SGCZ: variants seen among roughly 807,000 people sequenced by gnomAD.
SGCZ encodes zeta-sarcoglycan.
SGCZ carries 40 observed loss-of-function variants against 41.3 expected under a neutral mutation model. That is an observed-to-expected ratio of 0.97 (90% confidence interval 0.75 to 1.26). The LOEUF (loss-of-function observed/expected upper bound fraction) is 1.26. Ranked by LOEUF, SGCZ falls within the 50% of genes most tolerant of loss-of-function variation. The pLI is 0.00. For missense variants in SGCZ, 552 were observed against 369.8 expected (o/e 1.49, Z -4.04); for synonymous variants, 206 against 137.5 (o/e 1.50, Z -3.49).
chr8:14,583,895 A>G (rs993773010), intron 1 of SGCZ, among the ~76,000 whole-genome samples: 1 of 151,938 alleles, frequency 6.6e-6, no homozygotes, highest in African/African-American at 2.4e-5. Context: ...AAATATTTCT[A>G]TTTTCCCATT....
intron 1 of SGCZ, among the ~76,000 whole-genome samples, chr8:15,035,136 A>C (rs919290764): frequency 2.0e-5 from 3 of 152,120 alleles, no homozygotes; most frequent in Admixed American, 2.0e-4. Context: ...AATGATAATA[A>C]TAGCTATAAT....
chr8:14,198,703 A>G (rs1457479706), intron 4 of SGCZ, among the ~76,000 whole-genome samples: 1 of 152,198 alleles, frequency 6.6e-6, no homozygotes, highest in Non-Finnish European at 1.5e-5. Flanking sequence ...AGGGACCACA[A>G]ACGGAGGGAC....
intron 1 of SGCZ, among the ~76,000 whole-genome samples, chr8:14,913,509 C>CTT (rs1332472271): frequency 2.6e-5 from 4 of 151,990 alleles, no homozygotes; most frequent in Non-Finnish European, 5.9e-5. Flanking sequence ...TCATAATAAA[C>CTT]TTTTATTATG....
chr8:15,127,109 T>C lies in SGCZ; in HGVS notation c.39+110476A>G, dbSNP rs548723761. Among the ~76,000 whole-genome samples the C allele has an allele frequency of 3.3e-5, 5 of 152,290 alleles. No homozygotes were observed. The East Asian group carries it at 9.7e-4, about 29-fold the overall frequency. On this transcript the variant is annotated intron_variant, in intron 1 of 7. Transcript: ENST00000382080. ...TAGGTTTTAAATTGCCAAATATATATTGAATGCTGATCATGTATGAGACAC... is the reference window on the plus strand; with the variant it reads ...TAGGTTTTAAATTGCCAAATATATACTGAATGCTGATCATGTATGAGACAC...
chr8:15,116,477 A>G (rs1380395462), intron 1 of SGCZ, among the ~76,000 whole-genome samples: 1 of 152,186 alleles, frequency 6.6e-6, no homozygotes, highest in Non-Finnish European at 1.5e-5. Context: ...ATGGGATAAA[A>G]ATGCCTTAGA....
intron 1 of SGCZ, among the ~76,000 whole-genome samples, chr8:15,110,841 A>ATG (rs1807022064): frequency 2.0e-5 from 3 of 152,020 alleles, no homozygotes; most frequent in Admixed American, 2.0e-4. Context: ...AGTGGCATGC[A>ATG]CCTGTAATCC....
chr8:14,603,615 A>G (rs1261315932), intron 1 of SGCZ, among the ~76,000 whole-genome samples: 1 of 152,220 alleles, frequency 6.6e-6, no homozygotes, highest in Non-Finnish European at 1.5e-5. Flanking sequence ...TTAAACTTTC[A>G]TATAAGTTTA....
chr8:14,343,681 G>A (rs1802791483), intron 2 of SGCZ, among the ~76,000 whole-genome samples: 2 of 152,138 alleles, frequency 1.3e-5, no homozygotes, highest in Non-Finnish European at 2.9e-5. Context: ...GTATCTTAGA[G>A]ACAGAATAAT....
intron 4 of SGCZ, among the ~76,000 whole-genome samples, chr8:14,211,193 G>A (rs1384750005): frequency 1.3e-5 from 2 of 152,186 alleles, no homozygotes; most frequent in African/African-American, 4.8e-5. Context: ...GAGGGACACT[G>A]CAGGAGTAAA....
At chr8:14,619,810 C>T (rs545661283) in intron 1 of SGCZ, among the ~76,000 whole-genome samples, 6 of 152,060 alleles carry the variant, frequency 3.9e-5, no homozygotes, top group Non-Finnish European at 7.4e-5. Context: ...CAAATGGAAA[C>T]ACATTCCATG....
At chr8:14,881,210 A>G (rs908830553) in intron 1 of SGCZ, among the ~76,000 whole-genome samples, 14 of 152,170 alleles carry the variant, frequency 9.2e-5, no homozygotes, top group Non-Finnish European at 1.5e-4. Flanking sequence ...TAATAATGAC[A>G]AGTATGTTTT....
chr8:14,817,056 C>T lies in SGCZ; in HGVS notation c.40-262130G>A, dbSNP rs1801926039. ...TTAAAAGTTTTGTCCATTTCATGAT[C>T]TATAGAGATAGCTTCTTCCACACTA... On this transcript the variant is annotated intron_variant, in intron 1 of 7. Transcript: ENST00000382080. Among the ~76,000 whole-genome samples the T allele has an allele frequency of 2.0e-5, 3 of 152,160 alleles. No homozygotes were observed. The South Asian group carries it at 6.2e-4, about 32-fold the overall frequency.
chr8:14,762,841 A>G (rs558380322), intron 1 of SGCZ, among the ~76,000 whole-genome samples: 1 of 152,342 alleles, frequency 6.6e-6, no homozygotes, highest in East Asian at 1.9e-4. Context: ...TCTGTCTTCA[A>G]ATGATCAGTT....
chr8:14,874,159 GT>G (rs1479002491), intron 1 of SGCZ, among the ~76,000 whole-genome samples: 2 of 152,062 alleles, frequency 1.3e-5, no homozygotes, highest in African/African-American at 4.8e-5. Context: ...TATTCTTCTA[GT>G]TATAAAGAAA....
At chr8:14,366,974 C>T (rs1191238004) in intron 2 of SGCZ, among the ~76,000 whole-genome samples, 4 of 152,096 alleles carry the variant, frequency 2.6e-5, no homozygotes, top group African/African-American at 9.7e-5. Context: ...ATGCAAATTT[C>T]CACAGAGGGC....
At chr8:14,539,842 G>C (rs1469962071) in intron 2 of SGCZ, among the ~76,000 whole-genome samples, 1 of 151,872 alleles carries the variant, frequency 6.6e-6, no homozygotes, top group African/African-American at 2.4e-5. Context: ...ATGGCCTCCA[G>C]TTCCATACCA....
chr8:14,261,648 T>C (rs571002576), intron 3 of SGCZ, among the ~76,000 whole-genome samples: 2 of 152,256 alleles, frequency 1.3e-5, no homozygotes, highest in African/African-American at 4.8e-5. Context: ...TGTCAATAAT[T>C]TGACCAAAGA....
At chr8:14,433,656 AG>A (rs754679211) in intron 2 of SGCZ, among the ~76,000 whole-genome samples, 1 of 152,222 alleles carries the variant, frequency 6.6e-6, no homozygotes, top group East Asian at 1.9e-4. Flanking sequence ...AAAATAAAAA[AG>A]GTGCAGCTTG....
intron 1 of SGCZ, among the ~76,000 whole-genome samples, chr8:14,996,191 C>T (rs1270167561): frequency 6.6e-6 from 1 of 152,214 alleles, no homozygotes; most frequent in Non-Finnish European, 1.5e-5. Context: ...GCATGAGCCA[C>T]TACATCAGAC....
Sources: allele counts gnomAD v4.1 joint callset (sites outside exome capture counted in the v4.1 genomes callset), GRCh38; gene constraint gnomAD v4.1.1; transcripts MANE v1.5; gene names NCBI Gene and HGNC (gene_info 2026-07-23, HGNC 2026-07-21).